Variants in CCBE1 observed in about 807,000 individuals in gnomAD.
The protein encoded by CCBE1 is collagen and calcium-binding EGF domain-containing protein 1.
CCBE1 carries 37 observed loss-of-function variants against 50.0 expected under a neutral mutation model. The ratio of observed to expected loss-of-function variants is 0.74; its 90% CI spans 0.57 to 0.97. CCBE1 has a LOEUF of 0.97. Ranked by LOEUF, CCBE1 falls within the 50% of genes least tolerant of loss-of-function variation. The pLI is 0.00. For synonymous variants in CCBE1, 234 were observed against 203.7 expected (o/e 1.15, Z -1.27); for missense variants, 538 against 523.8 (o/e 1.03, Z -0.26).
In CCBE1 at chr18:59,455,143, G is replaced by C. The variant is rs997290352; in HGVS notation, c.554-192C>G. ...CAGGGTCAGGGAAGAGGGGAGGACA[G>C]AGGGAGAGGGGCCCTGCTAGAAGCT... On this transcript the variant is annotated intron_variant, in intron 5 of 10. Coordinates refer to ENST00000439986, the MANE Select transcript of CCBE1 (RefSeq NM_133459.4). The C allele has an allele frequency of 2.2e-5, 15 of 676,702 alleles. No individual in the cohort carries two copies. In the Admixed American group the frequency reaches 3.0e-4, roughly 14 times the overall value. 41.9% of individuals were successfully genotyped at this position (676,702 alleles called of 1,614,324 possible).
At chr18:59,662,990 G>C (rs778477959) in intron 2 of CCBE1, among the ~76,000 whole-genome samples, 1 of 151,860 alleles carries the variant, frequency 6.6e-6, no homozygotes, top group African/African-American at 2.4e-5. Context: ...AAAACCTAGA[G>C]AATGACTCCA....
At chr18:59,657,446 A>C (rs1164814569) in intron 2 of CCBE1, among the ~76,000 whole-genome samples, 1 of 152,258 alleles carries the variant, frequency 6.6e-6, no homozygotes, top group Non-Finnish European at 1.5e-5. Flanking sequence ...GCAGGGCCCT[A>C]TGCAGTTTTC....
chr18:59,611,611 T>G (rs1445866125), intron 2 of CCBE1, among the ~76,000 whole-genome samples: 1 of 152,118 alleles, frequency 6.6e-6, no homozygotes, highest in Non-Finnish European at 1.5e-5. Context: ...CTGGGCATGG[T>G]GGCATGTGCC....
intron 2 of CCBE1, among the ~76,000 whole-genome samples, chr18:59,602,722 A>G (rs1196516802): frequency 6.6e-6 from 1 of 152,230 alleles, no homozygotes; most frequent in Non-Finnish European, 1.5e-5. Context: ...AGGACTTGGA[A>G]GGCAAGAGGC....
In CCBE1 at chr18:59,583,678, TGTGC is replaced by T. The variant is rs1433798151; in HGVS notation, c.213-103444_213-103441del. ...GCGTGTGTGTGTGTGTGTGTGTGTGTGTGCGCGCGCGCGCGCGCGCGCGTGTGTG... is the reference window on the plus strand; with the variant it reads ...GCGTGTGTGTGTGTGTGTGTGTGTGTGCGCGCGCGCGCGCGCGCGTGTGTG... On this transcript the variant is annotated intron_variant, in intron 2 of 10. Transcript: ENST00000439986. Among the ~76,000 whole-genome samples the T allele has an allele frequency of 3.4e-3, 200 of 58,562 alleles. 2 individuals carry two copies. Among genetic ancestry groups the T allele is most frequent in the Middle Eastern group, 0.017 (2 of 118 alleles). 38.4% of individuals were successfully genotyped at this position (58,562 alleles called of 152,430 possible).
At chr18:59,443,207 G>A (rs975814545) in intron 7 of CCBE1, among the ~76,000 whole-genome samples, 2 of 152,272 alleles carry the variant, frequency 1.3e-5, no homozygotes, top group East Asian at 3.9e-4. Context: ...GTAAACAGCC[G>A]CTTTGTATTG....
intron 2 of CCBE1, among the ~76,000 whole-genome samples, chr18:59,522,499 G>A (rs1239153097): frequency 6.6e-6 from 1 of 152,138 alleles, no homozygotes; most frequent in Non-Finnish European, 1.5e-5. Flanking sequence ...CACAATTTTT[G>A]GAGAATTAGT....
intron 2 of CCBE1, among the ~76,000 whole-genome samples, chr18:59,649,263 C>T (rs1444087355): frequency 6.6e-6 from 1 of 152,172 alleles, no homozygotes. Context: ...TGGGCTCATC[C>T]CCTCCTGCCC....
intron 2 of CCBE1, among the ~76,000 whole-genome samples, chr18:59,517,283 C>T (rs1046307124): frequency 3.9e-5 from 6 of 152,298 alleles, no homozygotes; most frequent in Middle Eastern, 3.4e-3. Flanking sequence ...CAAGTTGTGC[C>T]TTTACACTGT....
intron 2 of CCBE1, among the ~76,000 whole-genome samples, chr18:59,621,734 A>G (rs549642279): frequency 1.6e-4 from 24 of 152,310 alleles, no homozygotes; most frequent in Middle Eastern, 3.4e-3. Flanking sequence ...TGTCACTTAC[A>G]TGGCCAGAGC....
intron 2 of CCBE1, among the ~76,000 whole-genome samples, chr18:59,621,582 A>C (rs568640502): frequency 1.8e-4 from 27 of 152,328 alleles, no homozygotes; most frequent in African/African-American, 6.5e-4. Context: ...ACTGAATCCC[A>C]GAACAATCCT....
At position 59,439,571 on chromosome 18, in the gene CCBE1, G is replaced by A. The variant is rs756693639; in HGVS notation, c.923C>T (p.Pro308Leu). ...KQGRRGPVGPPGAPGRDGSKG... is the reference protein window; with the variant it reads ...KQGRRGPVGPLGAPGRDGSKG... ...AGAACCATCTCTTCCTGGTGCCCCTGGTGGACCCTGTAATACAAAAGGATC... is the reference window on the plus strand; with the variant it reads ...AGAACCATCTCTTCCTGGTGCCCCTAGTGGACCCTGTAATACAAAAGGATC... Residue 308 changes from proline (P) to leucine (L), a missense_variant, in exon 9 of 11, where the codon CCA becomes CTA. Pro to Leu is a moderately conservative substitution (Grantham distance 98). Coordinates refer to ENST00000439986, the MANE Select transcript of CCBE1 (RefSeq NM_133459.4). The A allele has an allele frequency of 1.2e-6, 2 of 1,614,146 alleles. No homozygotes were observed. Among genetic ancestry groups the A allele is most frequent in the African/African-American group, 2.7e-5 (2 of 74,948 alleles).
intron 2 of CCBE1, among the ~76,000 whole-genome samples, chr18:59,521,443 C>T (rs1013830939): frequency 4.0e-5 from 6 of 151,502 alleles, no homozygotes; most frequent in Non-Finnish European, 8.8e-5. Context: ...TTTTTTCTTT[C>T]TTCAGGAAGC....
chr18:59,485,124 C>G lies in CCBE1; in HGVS notation c.213-4886G>C, dbSNP rs74598588. 5.3e-5 allele frequency among the ~76,000 whole-genome samples: 8 copies of G among 152,246 alleles called. No individual in the cohort carries two copies. In the East Asian group the frequency reaches 1.3e-3, roughly 26 times the overall value. ...CTTCACGTGTTGTAGCTTGGTTTTC[C>G]AAATACAAATACTTTTCTCATTTCT... On this transcript the variant is annotated intron_variant, in intron 2 of 10. Coordinates refer to ENST00000439986, the MANE Select transcript of CCBE1 (RefSeq NM_133459.4).
intron 2 of CCBE1, among the ~76,000 whole-genome samples, chr18:59,660,118 A>C (rs9959544): frequency 6.6e-6 from 1 of 152,004 alleles, no homozygotes; most frequent in Non-Finnish European, 1.5e-5. Context: ...GTGGGCACCC[A>C]GCTGAGAGTG....
At chr18:59,562,401 CT>C (rs2052752622) in intron 2 of CCBE1, among the ~76,000 whole-genome samples, 1 of 152,164 alleles carries the variant, frequency 6.6e-6, no homozygotes, top group Admixed American at 6.5e-5. Flanking sequence ...AACTGGTACA[CT>C]TCAGAGACTA....
chr18:59,502,854 G>A (rs1240584268), intron 2 of CCBE1, among the ~76,000 whole-genome samples: 1 of 152,194 alleles, frequency 6.6e-6, no homozygotes, highest in Non-Finnish European at 1.5e-5. Context: ...CAAGGAGGGA[G>A]GCCTGCTGCA....
chr18:59,490,204 C>T (rs748586151), intron 2 of CCBE1, among the ~76,000 whole-genome samples: 3 of 151,898 alleles, frequency 2.0e-5, no homozygotes, highest in Admixed American at 6.6e-5. Context: ...AGGCTCGTCT[C>T]GAACTGCTGA....
intron 2 of CCBE1, among the ~76,000 whole-genome samples, chr18:59,554,531 T>C (rs1189699256): frequency 6.6e-6 from 1 of 152,192 alleles, no homozygotes; most frequent in African/African-American, 2.4e-5. Flanking sequence ...AATAGCTATA[T>C]TGTATTGACT....
Sources: allele counts gnomAD v4.1 joint callset (sites outside exome capture counted in the v4.1 genomes callset), GRCh38; gene constraint gnomAD v4.1.1; transcripts MANE v1.5; gene names NCBI Gene and HGNC (gene_info 2026-07-23, HGNC 2026-07-21).